The following BIRC6 variants were observed in gnomAD, a reference collection of about 807,000 sequenced individuals.
BIRC6 encodes baculoviral IAP repeat containing 6, also known as dual E2 ubiquitin-conjugating enzyme/E3 ubiquitin-protein ligase BIRC6.
In BIRC6, 98 loss-of-function variants were observed where a neutral mutation model predicts 503.3. The observed-to-expected ratio is 0.19, with a 90% CI of 0.17 to 0.23. The LOEUF (loss-of-function observed/expected upper bound fraction) is 0.23, where lower values mean the gene tolerates loss of function less well. Among genes scored for constraint, BIRC6 ranks in the 10% least tolerant of loss-of-function variants. BIRC6 has a pLI of 1.00. For missense variants in BIRC6, 5,360 were observed against 5,806.0 expected, an observed-to-expected ratio of 0.92 and a Z score of 2.50; for synonymous variants, 2,240 against 2,078.7, an observed-to-expected ratio of 1.08 and a Z score of -2.11.
At chr2:32,525,058 G>A (rs1405317057) in intron 58 of BIRC6, 39 bp downstream of exon 58, 5 of 1,420,840 alleles carry the variant, frequency 3.5e-6, no homozygotes, top group East Asian at 2.7e-5. Flanking sequence ...TTTTGTTTGG[G>A]TTTCTATAAA....
rs181905216 is a variant in BIRC6 at position 32,602,802 on chromosome 2, T to C, written c.13993-204T>C. On this transcript the variant is annotated intron_variant, in intron 70 of 73. Coordinates refer to ENST00000421745, the MANE Select transcript of BIRC6 (RefSeq NM_016252.4). ...ATAGGTGCTGGTCTGTTTTGCATTATGAAAAAGTTATAATGCCTCACAAAT... is the reference window on the plus strand; with the variant it reads ...ATAGGTGCTGGTCTGTTTTGCATTACGAAAAAGTTATAATGCCTCACAAAT... The C allele has an allele frequency of 4.2e-4, 194 of 465,070 alleles. 4 individuals carry two copies. In the Admixed American group the frequency reaches 7.2e-3, roughly 17 times the overall value. The allele number at this position is 465,070 out of a possible 1,614,324, so 28.8% of individuals were successfully genotyped here.
At position 32,485,047 on chromosome 2, in the gene BIRC6, G is replaced by A. The variant is rs186815687; in HGVS notation, c.7697-596G>A. Among the ~76,000 whole-genome samples the A allele has an allele frequency of 4.0e-3, 616 of 152,272 alleles. 4 individuals carry two copies. Among genetic ancestry groups the A allele is most frequent in the Non-Finnish European group, 6.9e-3 (471 of 68,016 alleles). On this transcript the variant is annotated intron_variant, in intron 39 of 73. Transcript: ENST00000421745. ...TTTACTTTAATCTGCCCCACCCCGGGAATTAGTCACTTCTTAAAGGAGCAT... is the reference window on the plus strand; with the variant it reads ...TTTACTTTAATCTGCCCCACCCCGGAAATTAGTCACTTCTTAAAGGAGCAT...
intron 71 of BIRC6, among the ~76,000 whole-genome samples, chr2:32,604,895 C>CTT (rs11288979): frequency 6.0e-5 from 8 of 133,586 alleles, no homozygotes; most frequent in Admixed American, 5.3e-4. Context: ...CTTTTCTTTT[C>CTT]TTTTTTTTTT....
At chr2:32,408,960 A>G (rs1034923632) in intron 9 of BIRC6, among the ~76,000 whole-genome samples, 2 of 152,150 alleles carry the variant, frequency 1.3e-5, no homozygotes, top group Non-Finnish European at 2.9e-5. Flanking sequence ...ATGGAGGCTT[A>G]TAGAGTAGTC....
Position 32,525,643 on chromosome 2 carries a change from T to A in BIRC6, c.11920+15T>A. ...ACTCTTGGCAGGTAATATTCCTCAA[T>A]GAATAAACGTCAAAGAAATTTTAGT... On this transcript the variant is annotated intron_variant, in intron 59 of 73. Transcript: ENST00000421745. 1 of 1,597,626 alleles carries A rather than the reference T, an allele frequency of 6.3e-7. No individual in the cohort carries two copies. Among genetic ancestry groups the A allele is most frequent in the Non-Finnish European group, 8.5e-7 (1 of 1,172,900 alleles).
At chr2:32,592,283 G>C (rs1331064722) in intron 66 of BIRC6, among the ~76,000 whole-genome samples, 1 of 152,178 alleles carries the variant, frequency 6.6e-6, no homozygotes, top group Non-Finnish European at 1.5e-5. Flanking sequence ...GATAAGAAGA[G>C]AGCACAGGAA....
rs771783789 is a variant in BIRC6, at chr2:32,518,391, A to C, written c.11487A>C (p.Pro3829=). ...DEKVTMFLQS[P]CPLYKGRINA... ...AAGTGACAATGTTTCTTCAGTCTCC[A>C]TGTCCAGTGAGTATTTAACACTTAA... The change falls in exon 56 of 74, where the codon CCA becomes CCC. Residue 3829 remains proline, a synonymous_variant. Coordinates refer to ENST00000421745, the MANE Select transcript of BIRC6 (RefSeq NM_016252.4). 4 of 1,607,204 alleles carry C rather than the reference A, an allele frequency of 2.5e-6. No individual in the cohort carries two copies. Among genetic ancestry groups the C allele is most frequent in the East Asian group, 4.5e-5 (2 of 44,784 alleles).
chr2:32,440,751 T>TTTA (rs769945864), intron 16 of BIRC6, among the ~76,000 whole-genome samples: 4,904 of 147,158 alleles, frequency 0.033, 139 homozygotes, highest in African/African-American at 0.075. Context: ...TGTTTATTTA[T>TTTA]TTATTATTAT....
At position 32,357,553 on chromosome 2, in the gene BIRC6, C is replaced by T. The variant is rs2033275123; in HGVS notation, c.325+67C>T. On this transcript the variant is annotated intron_variant, in intron 1 of 73. Transcript: ENST00000421745. This position sits in a 1 kb window ranked among gnomAD's most constrained non-coding sequence, Gnocchi z 4.9. ...GAAGCCGTCCAGCCCCGGGGCTCGG[C>T]CTCGCGACTCGGGGAAGCGAGATGG... is the stretch of plus-strand genomic sequence containing the variant. 2 of 1,505,368 alleles carry T rather than the reference C, an allele frequency of 1.3e-6. No individual in the cohort carries two copies. The highest frequency in any genetic ancestry group is 2.7e-5 in the East Asian group (1 of 37,046). The allele number at this position is 1,505,368 out of a possible 1,614,324, so 93.3% of individuals were successfully genotyped here.
intron 71 of BIRC6, among the ~76,000 whole-genome samples, chr2:32,604,331 G>A (rs887872906): frequency 2.0e-5 from 3 of 151,992 alleles, no homozygotes; most frequent in African/African-American, 7.3e-5. Flanking sequence ...TCATGCCAAG[G>A]GTTTACTGTT....
chr2:32,380,179 A>G lies in BIRC6; in HGVS notation c.534A>G (p.Leu178=). 2 of 1,569,834 alleles carry G rather than the reference A, an allele frequency of 1.3e-6. No homozygotes were observed. The highest frequency in any genetic ancestry group is 1.2e-5 in the South Asian group (1 of 83,408). Residue 178 remains leucine, a synonymous_variant, in exon 3 of 74, where the codon TTA becomes TTG. Transcript: ENST00000421745. ...TEAQQLLSAC[L]EKVDISSTEG... is the part of the protein sequence containing the mutation. ...CACAGCAGCTCTTATCAGCATGTTTAGAAAAGGTAGATATTTCTAGTACAG... is the reference window on the plus strand; with the variant it reads ...CACAGCAGCTCTTATCAGCATGTTTGGAAAAGGTAGATATTTCTAGTACAG...
intron 66 of BIRC6, among the ~76,000 whole-genome samples, chr2:32,592,468 T>A (rs2061445816): frequency 6.6e-6 from 1 of 152,248 alleles, no homozygotes; most frequent in South Asian, 2.1e-4. Flanking sequence ...CCCACTTGAG[T>A]GGCTTCTGAG....
intron 8 of BIRC6, among the ~76,000 whole-genome samples, chr2:32,404,478 G>A (rs1235099807): frequency 6.6e-6 from 1 of 150,748 alleles, no homozygotes; most frequent in Non-Finnish European, 1.5e-5. Context: ...CCATGCCTGG[G>A]TAAATTTTGT....
chr2:32,458,683 CTT>C (rs1166608470), intron 23 of BIRC6, among the ~76,000 whole-genome samples: 16 of 89,466 alleles, frequency 1.8e-4, no homozygotes, highest in African/African-American at 7.8e-4. Flanking sequence ...ACTCTATTGC[CTT>C]TTTTTTTTTT....
chr2:32,420,808 G>T (rs2042853500), intron 10 of BIRC6, among the ~76,000 whole-genome samples: 1 of 151,936 alleles, frequency 6.6e-6, no homozygotes, highest in East Asian at 1.9e-4. Context: ...TACCATGCCT[G>T]GCTCCTTACA....
At chr2:32,414,368 C>T (rs908107341) in intron 9 of BIRC6, among the ~76,000 whole-genome samples, 3 of 151,344 alleles carry the variant, frequency 2.0e-5, no homozygotes, top group African/African-American at 7.3e-5. Flanking sequence ...GGGCTGACTG[C>T]ACTTTAAATT....
intron 70 of BIRC6, among the ~76,000 whole-genome samples, chr2:32,601,269 CAG>C (rs1366114659): frequency 6.6e-6 from 1 of 152,224 alleles, no homozygotes; most frequent in African/African-American, 2.4e-5. Flanking sequence ...AGTAAGGAGA[CAG>C]ACCTTTCTGC....
intron 10 of BIRC6, among the ~76,000 whole-genome samples, chr2:32,418,469 C>G (rs1223656697): frequency 6.6e-6 from 1 of 152,136 alleles, no homozygotes; most frequent in Non-Finnish European, 1.5e-5. Flanking sequence ...TCCATCAGAG[C>G]ACTTTAAATG....
chr2:32,552,641 A>C (rs930730520), intron 65 of BIRC6, among the ~76,000 whole-genome samples: 1 of 152,180 alleles, frequency 6.6e-6, no homozygotes, highest in Non-Finnish European at 1.5e-5. Flanking sequence ...AGAGGTAGGC[A>C]CTGATTATGT....
Sources: gnomAD v4.1 joint callset for allele counts (sites outside exome capture counted in the v4.1 genomes callset) on GRCh38, gnomAD v4.1.1 for gene constraint, Gnocchi (gnomAD v3.1) non-coding constraint, MANE v1.5 for transcripts, NCBI Gene and HGNC (gene_info 2026-07-23, HGNC 2026-07-21) for gene names.